The following MYH14 variants were observed in gnomAD, a reference collection of about 807,000 sequenced individuals.
MYH14 encodes the protein myosin-14.
Under a neutral mutation model 255.5 loss-of-function variants are expected in MYH14, and 123 were observed. The ratio of observed to expected loss-of-function variants is 0.48; its 90% CI spans 0.42 to 0.56. The LOEUF is 0.56. MYH14 is among the 20% of genes least tolerant of loss of function. MYH14 has a pLI of 0.00. For missense variants in MYH14, 2,423 were observed against 2,802.3 expected (o/e 0.86, Z 3.06); for synonymous variants, 1,095 against 1,161.2 (o/e 0.94, Z 1.16).
Position 50,271,444 on chromosome 19 carries a change from G to A in MYH14, c.3069G>A (p.Ala1023=), listed in dbSNP as rs372701728. The change falls in exon 25 of 43, where the codon GCG becomes GCA. Residue 1023 remains alanine, a synonymous_variant. Transcript: ENST00000642316. ...CCCACCTTGAGGCTGAGGAGGGTGC[G>A]CGGCAGAAGCTGCAGCTGGAGAAGG... is the stretch of plus-strand genomic sequence containing the variant. ...LEAHLEAEEG[A]RQKLQLEKVT... 3.2e-5 allele frequency: 52 copies of A among 1,606,678 alleles called. No homozygotes were observed. The highest frequency in any genetic ancestry group is 3.7e-5 in the Non-Finnish European group (43 of 1,176,902).
intron 3 of MYH14, among the ~76,000 whole-genome samples, chr19:50,219,116 A>ATGTG (rs1484228609): frequency 7.1e-6 from 1 of 141,828 alleles, no homozygotes; most frequent in Non-Finnish European, 1.6e-5. Flanking sequence ...CATGGGATAT[A>ATGTG]TATGTGTGTG....
chr19:50,219,118 ATG>A (rs1280753112), intron 3 of MYH14, among the ~76,000 whole-genome samples: 1 of 136,652 alleles, frequency 7.3e-6, no homozygotes, highest in Admixed American at 7.1e-5. Flanking sequence ...TGGGATATAT[ATG>A]TGTGTGTGTG....
At position 50,250,163 on chromosome 19, in the gene MYH14, C is replaced by T. The variant is rs189199060; in HGVS notation, c.1656+340C>T. Among the ~76,000 whole-genome samples the T allele has an allele frequency of 9.8e-5, 15 of 152,302 alleles. No individual in the cohort carries two copies. Among genetic ancestry groups the T allele is most frequent in the Admixed American group, 2.6e-4 (4 of 15,304 alleles). On this transcript the variant is annotated intron_variant, in intron 14 of 42. Transcript: ENST00000642316. This position sits in a 1 kb window ranked among gnomAD's most constrained non-coding sequence, Gnocchi z 5.4. ...TCGCCCAGGCTGGAGTGCAGCGGCGCGATCTCTGCTTACTGCAAGCTTCGC... is the reference window on the plus strand; with the variant it reads ...TCGCCCAGGCTGGAGTGCAGCGGCGTGATCTCTGCTTACTGCAAGCTTCGC...
At chr19:50,207,632 T>C (rs1023902010) in intron 1 of MYH14, among the ~76,000 whole-genome samples, 1 of 152,152 alleles carries the variant, frequency 6.6e-6, no homozygotes, top group African/African-American at 2.4e-5. Context: ...AGTCTCCCCA[T>C]TTTATGGAGA....
intron 18 of MYH14, among the ~76,000 whole-genome samples, chr19:50,258,155 C>G (rs949134805): frequency 5.9e-5 from 9 of 151,978 alleles, no homozygotes; most frequent in Non-Finnish European, 1.0e-4. Context: ...CTCTCGAACT[C>G]CTGAGCTCAA....
rs202225655 is a variant in MYH14, at chr19:50,280,098, G to C, written c.4094G>C (p.Ser1365Thr). The change falls in exon 31 of 43, where the codon AGC (serine) becomes ACC (threonine). Residue 1365 changes from serine to threonine, a missense_variant. By Grantham distance (58) the Ser-to-Thr change is moderately conservative. Coordinates refer to ENST00000642316, the MANE Select transcript of MYH14 (RefSeq NM_001145809.2). The surrounding 1 kb of genome is among the most constrained non-coding windows in gnomAD (Gnocchi z 4.8). ...GCTGAGTCCAAAACCATCCGTCTTA[G>C]CAAGGAGCTGAGCAGCACAGAAGCC... Reference protein sequence around the residue: ...NEAESKTIRLSKELSSTEAQL... With the variant: ...NEAESKTIRLTKELSSTEAQL... 22 of 1,610,186 alleles carry C rather than the reference G, an allele frequency of 1.4e-5. No individual in the cohort carries two copies. The highest frequency in any genetic ancestry group is 1.9e-5 in the Non-Finnish European group (22 of 1,178,344).
At position 50,210,443 on chromosome 19, in the gene MYH14, G is replaced by A. The variant is rs1453342148; in HGVS notation, c.78G>A (p.Pro26=). 3.9e-6 allele frequency: 6 copies of A among 1,553,686 alleles called. No individual in the cohort carries two copies. In the East Asian group the frequency reaches 7.4e-5, roughly 19 times the overall value. ...RPGPVPEAAQ[P]FLFTPRGPSA... The stretch of plus-strand genomic sequence containing the variant: ...GCCCAGTGCCCGAGGCGGCCCAGCC[G>A]TTCCTGTTCACGCCCCGCGGGCCCA... Residue 26 remains proline, a synonymous_variant, in exon 2 of 43, where the codon CCG becomes CCA. Coordinates refer to ENST00000642316, the MANE Select transcript of MYH14 (RefSeq NM_001145809.2).
chr19:50,303,546 G>T (rs2036562537), intron 40 of MYH14, among the ~76,000 whole-genome samples: 1 of 152,226 alleles, frequency 6.6e-6, no homozygotes, highest in East Asian at 1.9e-4. Flanking sequence ...AAATAGATAT[G>T]ACTGTTTGAT....
At position 50,293,095 on chromosome 19, in the gene MYH14, C is replaced by A. The variant is rs651044; in HGVS notation, c.5257-138C>A. 0.86 allele frequency: 592,520 copies of A among 685,620 alleles called. 256,798 individuals are homozygous for A. The highest frequency in any genetic ancestry group is 1 in the East Asian group (36,879 of 36,896). 42.5% of individuals were successfully genotyped at this position (685,620 alleles called of 1,614,324 possible). ...AGATTTAGGAGACATCTGTAGGTTG[C>A]AGCTCATTCCAGGGTTACCCAGGGA... On this transcript the variant is annotated intron_variant, in intron 37 of 42. Coordinates refer to ENST00000642316, the MANE Select transcript of MYH14 (RefSeq NM_001145809.2). This position sits in a 1 kb window ranked among gnomAD's most constrained non-coding sequence, Gnocchi z 4.1.
At chr19:50,278,934 G>T (rs1741828070) in intron 30 of MYH14, among the ~76,000 whole-genome samples, 1 of 152,110 alleles carries the variant, frequency 6.6e-6, no homozygotes, top group Admixed American at 6.6e-5. Context: ...GTTGTGATGA[G>T]CTGAGACCGC....
intron 9 of MYH14, among the ~76,000 whole-genome samples, chr19:50,231,515 C>G (rs989044559): frequency 1.3e-5 from 2 of 151,952 alleles, no homozygotes; most frequent in Non-Finnish European, 1.5e-5. Flanking sequence ...TGAGTCCAGC[C>G]TGGGCAGCAT....
chr19:50,243,692 C>T (rs1159015596), intron 10 of MYH14, among the ~76,000 whole-genome samples: 1 of 152,206 alleles, frequency 6.6e-6, no homozygotes, highest in Non-Finnish European at 1.5e-5. Flanking sequence ...CTTTATATTT[C>T]CTCCCTTTTG....
At chr19:50,222,582 A>C (rs941486156) in intron 3 of MYH14, among the ~76,000 whole-genome samples, 4 of 151,466 alleles carry the variant, frequency 2.6e-5, no homozygotes, top group African/African-American at 9.7e-5. Flanking sequence ...TGTCCCCTAC[A>C]TCTTAAGTGG....
Position 50,267,018 on chromosome 19 carries a change from CG to C in MYH14, c.2826+15del. ...GGGCCGAGTGGCACAGGTGAGGGGG[CG>C]GGGGCAGGGCGTGGGGGCGTGTCTT... On this transcript the variant is annotated intron_variant, in intron 23 of 42. Transcript: ENST00000642316. 1.5e-6 allele frequency: 1 copy of C among 669,920 alleles called. No homozygotes were observed. Among genetic ancestry groups the C allele is most frequent in the African/African-American group, 3.2e-5 (1 of 31,034 alleles). 41.5% of individuals were successfully genotyped at this position (669,920 alleles called of 1,614,324 possible).
chr19:50,258,904 CTTT>C (rs1224441079), intron 18 of MYH14, among the ~76,000 whole-genome samples: 1 of 152,002 alleles, frequency 6.6e-6, no homozygotes, highest in Non-Finnish European at 1.5e-5. Context: ...AGTATTTCTT[CTTT>C]ATTAGTGACT....
At chr19:50,255,756 C>T (rs1206517805) in intron 17 of MYH14, among the ~76,000 whole-genome samples, 1 of 151,860 alleles carries the variant, frequency 6.6e-6, no homozygotes, top group East Asian at 1.9e-4. Flanking sequence ...GCTATGAGGA[C>T]TTAATAAATG....
intron 34 of MYH14, among the ~76,000 whole-genome samples, chr19:50,287,522 C>T (rs754176674): frequency 5.9e-5 from 9 of 152,170 alleles, no homozygotes; most frequent in African/African-American, 2.4e-5. Context: ...AAGCAGTCCT[C>T]CTGCCTCAGT....
intron 39 of MYH14, among the ~76,000 whole-genome samples, chr19:50,295,473 C>T (rs2036237245): frequency 6.6e-6 from 1 of 152,048 alleles, no homozygotes; most frequent in Non-Finnish European, 1.5e-5. Context: ...GAGACCCCAT[C>T]TCTACAAAAA....
chr19:50,296,931 A>T (rs756648612), intron 39 of MYH14, among the ~76,000 whole-genome samples: 13 of 152,182 alleles, frequency 8.5e-5, no homozygotes, highest in Non-Finnish European at 1.6e-4. Context: ...ACCATAATGA[A>T]TTACCACAAA....
Sources: gnomAD v4.1 joint callset for allele counts (sites outside exome capture counted in the v4.1 genomes callset) on GRCh38, gnomAD v4.1.1 for gene constraint, Gnocchi (gnomAD v3.1) non-coding constraint, MANE v1.5 for transcripts, NCBI Gene and HGNC (gene_info 2026-07-23, HGNC 2026-07-21) for gene names.